The following RELN variants were observed in gnomAD, a reference collection of about 807,000 sequenced individuals.
RELN encodes the protein reelin.
In RELN, 108 loss-of-function variants were observed where a neutral mutation model predicts 427.6. That is an observed-to-expected ratio of 0.25 (90% CI 0.22 to 0.30). RELN has a LOEUF of 0.30. RELN is among the 10% of genes least tolerant of loss of function. The probability of loss-of-function intolerance (pLI) is 1.00; values close to 1 mark genes in which losing one functional copy is unlikely to be tolerated. For synonymous variants in RELN, 1,524 were observed against 1,513.4 expected, an observed-to-expected ratio of 1.01 and a Z score of -0.16; for missense variants, 3,715 against 4,302.8, an observed-to-expected ratio of 0.86 and a Z score of 3.82.
At chr7:103,984,362 T>C (rs888396153) in intron 1 of RELN, among the ~76,000 whole-genome samples, 1 of 152,158 alleles carries the variant, frequency 6.6e-6, no homozygotes, top group African/African-American at 2.4e-5. Context: ...ACCATTTTAT[T>C]AACATTTTCA....
intron 3 of RELN, among the ~76,000 whole-genome samples, chr7:103,823,618 A>G (rs1390363573): frequency 6.6e-6 from 1 of 152,062 alleles, no homozygotes; most frequent in African/African-American, 2.4e-5. Flanking sequence ...ATGTTGCTTC[A>G]TGTATTTTAG....
chr7:103,651,538 A>T, intron 15 of RELN, 123 bp downstream of exon 15: 1 of 879,678 alleles, frequency 1.1e-6, no homozygotes, highest in Non-Finnish European at 1.9e-6. Flanking sequence ...TTACAAGACC[A>T]CTTTTAAAGA....
intron 1 of RELN, among the ~76,000 whole-genome samples, chr7:103,970,020 G>A (rs1796730983): frequency 1.3e-5 from 2 of 152,112 alleles, no homozygotes; most frequent in Admixed American, 6.6e-5. Flanking sequence ...TTGAAGACAT[G>A]TACATGCAGA....
At chr7:103,736,388 CAAGGA>C (rs1790493072) in intron 6 of RELN, among the ~76,000 whole-genome samples, 1 of 152,068 alleles carries the variant, frequency 6.6e-6, no homozygotes, top group Non-Finnish European at 1.5e-5. Context: ...AGAGAAACAG[CAAGGA>C]AAGTTCATTG....
chr7:103,516,064 T>C (rs1829560567), intron 49 of RELN, among the ~76,000 whole-genome samples: 1 of 152,194 alleles, frequency 6.6e-6, no homozygotes, highest in African/African-American at 2.4e-5. Context: ...CCCAGCATGC[T>C]ATCTATCCCT....
chr7:103,945,918 G>C (rs527966383), intron 1 of RELN, among the ~76,000 whole-genome samples: 1 of 152,242 alleles, frequency 6.6e-6, no homozygotes, highest in East Asian at 1.9e-4. Flanking sequence ...GCACAGCCTA[G>C]GTGTCTCCTA....
In RELN at chr7:103,538,930, T is replaced by G. The variant is rs1467492346; in HGVS notation, c.7180+148A>C. 7.1e-6 allele frequency: 6 copies of G among 842,384 alleles called. No homozygotes were observed. In the African/African-American group the frequency reaches 8.5e-5, roughly 12 times the overall value. 52.2% of individuals were successfully genotyped at this position (842,384 alleles called of 1,614,324 possible). ...ACTCAGTTTTTTAATACATGCAGTA[T>G]TTTCAAGAGTACAGTGTGGTTTGAC... On this transcript the variant is annotated intron_variant, in intron 45 of 64. Transcript: ENST00000428762.
chr7:103,779,096 G>C (rs866611426), intron 3 of RELN, among the ~76,000 whole-genome samples: 1 of 152,076 alleles, frequency 6.6e-6, no homozygotes, highest in Non-Finnish European at 1.5e-5. Context: ...TCTTAGATTC[G>C]AGGCCTTGGA....
At chr7:103,539,461 A>G (rs1336962565) in intron 44 of RELN, 134 bp from the exon 45 acceptor site, 2 of 830,806 alleles carry the variant, frequency 2.4e-6, no homozygotes, top group Non-Finnish European at 3.9e-6. Flanking sequence ...CGGCCAGCAG[A>G]ATGTGAGGGG....
At position 103,490,684 on chromosome 7, in the gene RELN, C is replaced by T. The variant is rs147777191; in HGVS notation, c.9589G>A (p.Asp3197Asn). ...SWKRITIQLP[D>N]HVSSSATQFR... Reference sequence around the variant, plus strand: ...GCAACCTACCTAGAGGAGACATGGTCAGGCAGCTGGATGGTGATTCTTTTC... The same window carrying T: ...GCAACCTACCTAGAGGAGACATGGTTAGGCAGCTGGATGGTGATTCTTTTC... The change falls in exon 59 of 65, where the codon GAC (aspartate) becomes AAC (asparagine). Residue 3197 changes from aspartate (D) to asparagine (N), a missense_variant. Around this residue, in one of 4 missense-constraint regions of RELN, gnomAD observed 1,310 missense variants for 1,643.0 expected, o/e 0.80. Coordinates refer to ENST00000428762, the MANE Select transcript of RELN (RefSeq NM_005045.4). 3 of 1,614,012 alleles carry T rather than the reference C, an allele frequency of 1.9e-6. No individual in the cohort carries two copies. Among genetic ancestry groups the T allele is most frequent in the Non-Finnish European group, 2.5e-6 (3 of 1,180,028 alleles).
chr7:103,733,776 T>A (rs1365456444), intron 6 of RELN, among the ~76,000 whole-genome samples: 1 of 147,914 alleles, frequency 6.8e-6, no homozygotes, highest in Non-Finnish European at 1.5e-5. Context: ...AACATCACAC[T>A]CTGGGGACTG....
intron 37 of RELN, 61 bp downstream of exon 37, chr7:103,557,904 G>C (rs916813498): frequency 1.2e-6 from 1 of 817,986 alleles, no homozygotes; most frequent in Non-Finnish European, 2.2e-6. Flanking sequence ...TGATTTCTTT[G>C]TGGAAAAGGA....
At chr7:103,867,274 G>C (rs1794222606) in intron 2 of RELN, among the ~76,000 whole-genome samples, 1 of 151,704 alleles carries the variant, frequency 6.6e-6, no homozygotes, top group Non-Finnish European at 1.5e-5. Context: ...CATTTAAAAA[G>C]AGAAACTCAA....
chr7:103,494,143 A>T (rs975217042), intron 57 of RELN, among the ~76,000 whole-genome samples: 3 of 152,200 alleles, frequency 2.0e-5, no homozygotes, highest in Non-Finnish European at 4.4e-5. Context: ...CACTAAGCTA[A>T]GAATACTCCT....
In RELN at chr7:103,703,668, T is replaced by C. The variant is rs1456640062; in HGVS notation, c.806-2662A>G. ...CAGAAAGGAAGGACAATTTCAAATG[T>C]CAAATGCAAAATATCATCTTACTTG... is the stretch of plus-strand genomic sequence containing the variant. On this transcript the variant is annotated intron_variant, in intron 8 of 64. Transcript: ENST00000428762. Among the ~76,000 whole-genome samples, 7 of 152,324 alleles carry C rather than the reference T, an allele frequency of 4.6e-5. No homozygotes were observed. In the East Asian group the frequency reaches 1.3e-3, roughly 29 times the overall value.
At chr7:103,516,478 G>T (rs1829569637) in intron 49 of RELN, among the ~76,000 whole-genome samples, 1 of 151,962 alleles carries the variant, frequency 6.6e-6, no homozygotes, top group African/African-American at 2.4e-5. Flanking sequence ...AGTAGAGATA[G>T]GGTTTCACCA....
At chr7:103,907,560 G>C (rs1291680812) in intron 2 of RELN, among the ~76,000 whole-genome samples, 2 of 151,594 alleles carry the variant, frequency 1.3e-5, no homozygotes, top group Non-Finnish European at 2.9e-5. Flanking sequence ...GGGGAGAAGA[G>C]AATAGAGAGT....
intron 2 of RELN, among the ~76,000 whole-genome samples, chr7:103,888,032 C>T (rs565800346): frequency 6.6e-6 from 1 of 152,238 alleles, no homozygotes; most frequent in East Asian, 1.9e-4. Context: ...AGTAACTAGA[C>T]TCAGACTGCC....
chr7:103,893,279 A>G (rs960850792), intron 2 of RELN, among the ~76,000 whole-genome samples: 2 of 152,090 alleles, frequency 1.3e-5, no homozygotes, highest in African/African-American at 2.4e-5. Flanking sequence ...GAATGTGTGT[A>G]TCCAGGCTAG....
Sources: allele counts gnomAD v4.1 joint callset (sites outside exome capture counted in the v4.1 genomes callset), GRCh38; gene constraint gnomAD v4.1.1; regional missense constraint gnomAD v4.1.1; transcripts MANE v1.5; gene names NCBI Gene and HGNC (gene_info 2026-07-23, HGNC 2026-07-21).